Variants in TAF15 observed in about 807,000 individuals in gnomAD.
TAF15 encodes TATA-binding protein-associated factor 2N.
In TAF15, 37 loss-of-function variants were observed where a neutral mutation model predicts 102.5. The observed-to-expected ratio is 0.36, with a 90% CI of 0.28 to 0.47. The LOEUF (loss-of-function observed/expected upper bound fraction) is 0.47, where lower values mean the gene tolerates loss of function less well. Among genes scored for constraint, TAF15 ranks in the 20% least tolerant of loss-of-function variants. The pLI is 0.99. For synonymous variants in TAF15, 273 were observed against 259.2 expected (o/e 1.05, Z -0.51); for missense variants, 652 against 760.7 (o/e 0.86, Z 1.68).
intron 1 of TAF15, 37 bp from the exon 2 acceptor site, chr17:35,817,679 T>G (rs1171696458): frequency 6.3e-7 from 1 of 1,599,868 alleles, no homozygotes; most frequent in Admixed American, 1.7e-5. Flanking sequence ...GAACCATAAT[T>G]TTAAATAAGA....
At chr17:35,823,706 CAAAAAAAAAAAA>C (rs57004932) in intron 6 of TAF15, 12 of 161,438 alleles carry the variant, frequency 7.4e-5, no homozygotes, top group Non-Finnish European at 1.3e-4. Flanking sequence ...CTCTTGTCTC[CAAAAAAAAAAAA>C]AAAAAAAAAA....
chr17:35,832,467 A>AT (rs11442417), intron 7 of TAF15, among the ~76,000 whole-genome samples: 13,725 of 152,086 alleles, frequency 0.09, 850 homozygotes, highest in East Asian at 0.22. Flanking sequence ...AGAAGGGAGA[A>AT]TTTTTTTTCA....
At chr17:35,834,488 G>A (rs527852107) in intron 8 of TAF15, 78 bp from the exon 9 acceptor site, 9 of 1,397,040 alleles carry the variant, frequency 6.4e-6, no homozygotes, top group South Asian at 6.1e-5. Flanking sequence ...TTCATGCCTT[G>A]GTTTATTACT....
chr17:35,809,562 C>T lies in TAF15; in HGVS notation c.-8C>T. ...GGCTGTGGGGCCTCCGCGCCGCGGCCGTTAGTCATGTCGGGTAGGTGACTT... is the reference window on the plus strand; with the variant it reads ...GGCTGTGGGGCCTCCGCGCCGCGGCTGTTAGTCATGTCGGGTAGGTGACTT... On this transcript the variant is annotated 5_prime_UTR_variant, in exon 1 of 16. Coordinates refer to ENST00000605844, the MANE Select transcript of TAF15 (RefSeq NM_139215.3). 7 of 1,613,356 alleles carry T rather than the reference C, an allele frequency of 4.3e-6. No homozygotes were observed. The highest frequency in any genetic ancestry group is 5.9e-6 in the Non-Finnish European group (7 of 1,179,836).
At chr17:35,835,210 G>T (rs535405583) in intron 9 of TAF15, among the ~76,000 whole-genome samples, 1 of 152,126 alleles carries the variant, frequency 6.6e-6, no homozygotes, top group Non-Finnish European at 1.5e-5. Flanking sequence ...TTGCAAATCA[G>T]ATTAATGAAA....
chr17:35,835,655 A>G (rs952730171), intron 9 of TAF15, among the ~76,000 whole-genome samples: 4 of 152,252 alleles, frequency 2.6e-5, no homozygotes, highest in South Asian at 2.1e-4. Context: ...ACTCTGGTAT[A>G]TACAAAGCTT....
chr17:35,838,669 A>C lies in TAF15; in HGVS notation c.913+116A>C, dbSNP rs1459466131. On this transcript the variant is annotated intron_variant, in intron 11 of 15. Transcript: ENST00000605844. Reference sequence around the variant, plus strand: ...ATTCATGTTTACTTTTGCAGATATTAAGAATACAGGTCAGAATTTTTATGT... The same window carrying C: ...ATTCATGTTTACTTTTGCAGATATTCAGAATACAGGTCAGAATTTTTATGT... 3 of 1,481,424 alleles carry C rather than the reference A, an allele frequency of 2.0e-6. No homozygotes were observed. In the African/African-American group the frequency reaches 4.1e-5, roughly 20 times the overall value. The allele number at this position is 1,481,424 out of a possible 1,614,324, so 91.8% of individuals were successfully genotyped here.
intron 1 of TAF15, among the ~76,000 whole-genome samples, chr17:35,813,622 C>T (rs1158075018): frequency 1.5e-5 from 2 of 133,628 alleles, no homozygotes; most frequent in Non-Finnish European, 3.1e-5. Flanking sequence ...GGCAACAGAG[C>T]GAGACCCTGT....
intron 7 of TAF15, 161 bp downstream of exon 7, chr17:35,824,359 C>T: frequency 2.1e-6 from 2 of 961,790 alleles, no homozygotes; most frequent in South Asian, 3.5e-5. Flanking sequence ...AGTGTATTTT[C>T]AGTCTTAATA....
chr17:35,811,582 C>T (rs778031054), intron 1 of TAF15: 1 of 152,156 alleles, frequency 6.6e-6, no homozygotes, highest in Non-Finnish European at 1.5e-5. Context: ...TCCCCCAAAA[C>T]AACTAATGCC....
chr17:35,819,841 A>T (rs148349270), intron 2 of TAF15, among the ~76,000 whole-genome samples, 183 bp from the exon 3 acceptor site: 2 of 152,144 alleles, frequency 1.3e-5, no homozygotes, highest in African/African-American at 4.8e-5. Flanking sequence ...GAGTGACTTC[A>T]TGTATTTCTT....
chr17:35,840,009 T>A (rs2087524724), intron 11 of TAF15, among the ~76,000 whole-genome samples: 1 of 152,068 alleles, frequency 6.6e-6, no homozygotes, highest in African/African-American at 2.4e-5. Context: ...TTCATAATAA[T>A]CTTATGAGAC....
intron 1 of TAF15, among the ~76,000 whole-genome samples, chr17:35,813,637 C>G (rs890359027): frequency 6.8e-6 from 1 of 146,216 alleles, no homozygotes; most frequent in Admixed American, 6.8e-5. Flanking sequence ...CCCTGTCCCC[C>G]CCCCCCCGCA....
At position 35,845,008 on chromosome 17, in the gene TAF15, G is replaced by A. The variant is rs781611311; in HGVS notation, c.1709G>A (p.Arg570Gln). The change falls in exon 15 of 16, where the codon CGA becomes CAA. Residue 570 changes from arginine (R) to glutamine (Q), a missense_variant. Physicochemically the swap from Arg to Gln is conservative, Grantham distance 43. Coordinates refer to ENST00000605844, the MANE Select transcript of TAF15 (RefSeq NM_139215.3). ...CGAGGTGGGGGCTACGGAGGAGACCGAGGTGGCTATGGAGGCAAAATGGGA... is the reference window on the plus strand; with the variant it reads ...CGAGGTGGGGGCTACGGAGGAGACCAAGGTGGCTATGGAGGCAAAATGGGA... ...GDRGGGYGGDRGGYGGKMGGR... is the reference protein window; with the variant it reads ...GDRGGGYGGDQGGYGGKMGGR... The A allele has an allele frequency of 2.0e-5, 32 of 1,613,952 alleles. No individual in the cohort carries two copies. The highest frequency in any genetic ancestry group is 1.6e-4 in the South Asian group (15 of 91,084).
chr17:35,843,078 T>C (rs928243900), intron 12 of TAF15, among the ~76,000 whole-genome samples: 12 of 152,162 alleles, frequency 7.9e-5, no homozygotes, highest in Admixed American at 3.3e-4. Flanking sequence ...TGACCAGTTT[T>C]TAAGCTGCCT....
At position 35,842,230 on chromosome 17, in the gene TAF15, G is replaced by A. The variant is rs971901746; in HGVS notation, c.914-137G>A. On this transcript the variant is annotated intron_variant, in intron 11 of 15. Transcript: ENST00000605844. ...ATGTCACTTTTAGCACTGTTATCTT[G>A]ACTCTTTGCATTTGAATTTCTGTGA... 52 of 696,210 alleles carry A rather than the reference G, an allele frequency of 7.5e-5. 1 individual carries two copies. The South Asian group carries it at 8.2e-4, about 11-fold the overall frequency. 43.1% of individuals were successfully genotyped at this position (696,210 alleles called of 1,614,324 possible). A position where few individuals can be genotyped will look rare whatever the true frequency, so the allele number is the denominator to read the frequency against.
chr17:35,835,597 C>G (rs1195323588), intron 9 of TAF15, among the ~76,000 whole-genome samples: 2 of 152,190 alleles, frequency 1.3e-5, no homozygotes, highest in Non-Finnish European at 2.9e-5. Context: ...CTTTGTTGTA[C>G]TAATCCAAAA....
At chr17:35,834,035 T>TTTG in intron 8 of TAF15, 94 bp downstream of exon 8, 1 of 1,344,476 alleles carries the variant, frequency 7.4e-7, no homozygotes, top group Non-Finnish European at 1.1e-6. Context: ...AGTCCTTTCT[T>TTTG]ACTCTGTTGA....
intron 11 of TAF15, among the ~76,000 whole-genome samples, chr17:35,840,247 CTTTTTTTTTTTTTT>C (rs370455465): frequency 8.4e-5 from 10 of 119,392 alleles, no homozygotes; most frequent in Non-Finnish European, 1.4e-4. Flanking sequence ...CGTTATTTTC[CTTTTTTTTTTTTTT>C]TTTTTTTTGA....
Sources: allele counts gnomAD v4.1 joint callset (sites outside exome capture counted in the v4.1 genomes callset), GRCh38; gene constraint gnomAD v4.1.1; transcripts MANE v1.5; gene names NCBI Gene and HGNC (gene_info 2026-07-23, HGNC 2026-07-21).